The following EMC8 variants were observed in gnomAD, a reference collection of about 807,000 sequenced individuals.
The protein encoded by EMC8 is COX4 neighbor.
In EMC8, 11 loss-of-function variants were observed where a neutral mutation model predicts 24.3. The ratio of observed to expected loss-of-function variants is 0.45; its 90% CI spans 0.28 to 0.75. EMC8 has a LOEUF of 0.75. Among genes scored for constraint, EMC8 ranks in the 30% least tolerant of loss-of-function variants. The pLI is 0.12. For synonymous variants in EMC8, 145 were observed against 117.7 expected (o/e 1.23, Z -1.50); for missense variants, 277 against 282.7 (o/e 0.98, Z 0.14).
At chr16:85,780,553 C>G (rs1178642533) in intron 3 of EMC8, 80 bp from the exon 4 acceptor site, 3 of 1,001,598 alleles carry the variant, frequency 3.0e-6, no homozygotes, top group African/African-American at 3.2e-5. Context: ...GGGGCTCTCC[C>G]TGCAGCCGTG....
intron 4 of EMC8, 173 bp downstream of exon 4, chr16:85,780,206 C>T: frequency 1.6e-6 from 1 of 626,498 alleles, no homozygotes; most frequent in African/African-American, 1.8e-5. Flanking sequence ...ACTGAGGTTC[C>T]CTCTACTGCC....
chr16:85,786,646 C>T (rs1904767295), intron 2 of EMC8, among the ~76,000 whole-genome samples: 1 of 152,124 alleles, frequency 6.6e-6, no homozygotes, highest in South Asian at 2.1e-4. Context: ...CAAATGGCTG[C>T]TCCGGATGCA....
chr16:85,780,582 G>C, intron 3 of EMC8, 109 bp from the exon 4 acceptor site: 1 of 740,074 alleles, frequency 1.4e-6, no homozygotes. Context: ...GGCTGGGGCA[G>C]AGACTCTTCC....
intron 1 of EMC8, among the ~76,000 whole-genome samples, chr16:85,794,245 T>G (rs1905147186): frequency 6.6e-6 from 1 of 152,176 alleles, no homozygotes; most frequent in Non-Finnish European, 1.5e-5. Context: ...TAATATAAAT[T>G]TAATAGCTTA....
chr16:85,799,382 G>T lies in EMC8; in HGVS notation c.-87C>A. 2 of 800,416 alleles carry T rather than the reference G, an allele frequency of 2.5e-6. No individual in the cohort carries two copies. Among genetic ancestry groups the T allele is most frequent in the South Asian group, 2.3e-5 (1 of 42,572 alleles). The allele number at this position is 800,416 out of a possible 1,614,324, so 49.6% of individuals were successfully genotyped here. On this transcript the variant is annotated 5_prime_UTR_variant, in exon 1 of 5. Transcript: ENST00000253457. The surrounding 1 kb of genome is among the most constrained non-coding windows in gnomAD (Gnocchi z 4.2). ...GGCCGCGCGGCGCCTCAGCCGAGAAGCGGGACGAGGCGGCGGCGATTGATG... is the reference window on the plus strand; with the variant it reads ...GGCCGCGCGGCGCCTCAGCCGAGAATCGGGACGAGGCGGCGGCGATTGATG...
chr16:85,789,753 C>G (rs1372674090), intron 1 of EMC8, among the ~76,000 whole-genome samples: 2 of 151,366 alleles, frequency 1.3e-5, no homozygotes, highest in Non-Finnish European at 2.9e-5. Context: ...GATCATGCCA[C>G]TGCACTCCAG....
chr16:85,798,711 T>C, intron 1 of EMC8: 1 of 255,124 alleles, frequency 3.9e-6, no homozygotes, highest in East Asian at 7.4e-5. Context: ...CCCAACAACG[T>C]GAACACTTCC....
At chr16:85,798,856 G>A (rs1349541943) in intron 1 of EMC8, 8 of 517,980 alleles carry the variant, frequency 1.5e-5, no homozygotes, top group Non-Finnish European at 3.4e-6. Flanking sequence ...AAGCATCCAC[G>A]ACGGTTAAAG....
intron 2 of EMC8, chr16:85,785,046 C>T (rs1904689525): frequency 6.6e-6 from 1 of 152,216 alleles, no homozygotes; most frequent in African/African-American, 2.4e-5. Context: ...TGCCCAGGCT[C>T]AAGTGATCTC....
chr16:85,789,717 C>A (rs1904916853), intron 1 of EMC8, among the ~76,000 whole-genome samples: 1 of 151,564 alleles, frequency 6.6e-6, no homozygotes, highest in Admixed American at 6.6e-5. Flanking sequence ...ACTTGAACCC[C>A]AGAGGGGGAG....
chr16:85,780,391 C>G lies in EMC8; in HGVS notation c.461G>C (p.Arg154Thr). 1.2e-6 allele frequency: 2 copies of G among 1,614,060 alleles called. No homozygotes were observed. The highest frequency in any genetic ancestry group is 1.7e-6 in the Non-Finnish European group (2 of 1,179,888). Residue 154 changes from arginine (R) to threonine (T), a missense_variant, in exon 4 of 5, where the codon AGA (arginine) becomes ACA (threonine). Physicochemically the swap from Arg to Thr is moderately conservative, Grantham distance 71. Coordinates refer to ENST00000253457, the MANE Select transcript of EMC8 (RefSeq NM_006067.5). ...YEHHENRWRCRDPHHDYCEDW... is the reference protein window; with the variant it reads ...YEHHENRWRCTDPHHDYCEDW... ...GGGGCGCACTCACTGGTGTGGGTCT[C>G]TGCACCGCCATCTGTTCTCATGGTG...
chr16:85,781,106 TAAATGAGTG>T (rs1567825705), intron 3 of EMC8, 96 bp downstream of exon 3: 24 of 776,138 alleles, frequency 3.1e-5, no homozygotes. Context: ...CTCAAGCAGA[TAAATGAGTG>T]AAGGGGTTAG....
At chr16:85,785,376 C>A (rs1338102925) in intron 2 of EMC8, among the ~76,000 whole-genome samples, 1 of 152,134 alleles carries the variant, frequency 6.6e-6, no homozygotes, top group African/African-American at 2.4e-5. Flanking sequence ...TCGAGACCAG[C>A]CTGGCCAACA....
Position 85,799,176 on chromosome 16 carries a change from C to A in EMC8, c.120G>T (p.Glu40Asp). ...LVAEKQKPRK[E>D]HLPLGGPGAH... ...CGCCGGGGCCGCCCAGGGGGAGGTG[C>A]TCCTTACGCGGCTTCTGCTTCTCGG... Residue 40 changes from glutamate (E) to aspartate (D), a missense_variant, in exon 1 of 5, where the codon GAG becomes GAT. Transcript: ENST00000253457. The surrounding 1 kb of genome is among the most constrained non-coding windows in gnomAD (Gnocchi z 4.2). 2 of 1,612,190 alleles carry A rather than the reference C, an allele frequency of 1.2e-6. No individual in the cohort carries two copies. The highest frequency in any genetic ancestry group is 1.1e-5 in the South Asian group (1 of 90,822).
rs758187816 is a variant in EMC8 at position 85,779,733 on chromosome 16, T to C, written c.608A>G (p.Asn203Ser). 1.2e-6 allele frequency: 2 copies of C among 1,614,266 alleles called. No homozygotes were observed. Among genetic ancestry groups the C allele is most frequent in the Non-Finnish European group, 1.7e-6 (2 of 1,180,050 alleles). The part of the protein sequence containing the change: ...IRNDWTNPEI[N>S]KAVLHLC The stretch of plus-strand genomic sequence containing the variant: ...CTAGCACAAGTGTAGGACAGCTTTA[T>C]TGATCTCTGGGTTTGTCCAGTCATT... The change falls in exon 5 of 5, where the codon AAT (asparagine) becomes AGT (serine). Residue 203 changes from asparagine (N) to serine (S), a missense_variant. Transcript: ENST00000253457.
intron 2 of EMC8, chr16:85,781,517 A>T: frequency 2.2e-6 from 1 of 450,046 alleles, no homozygotes; most frequent in Non-Finnish European, 4.0e-6. Flanking sequence ...TGTAACCTCA[A>T]ATTCCTAGGC....
At chr16:85,780,149 A>G (rs1268457954) in intron 4 of EMC8, 13 of 600,874 alleles carry the variant, frequency 2.2e-5, no homozygotes, top group South Asian at 4.0e-5. Flanking sequence ...AGGCCTGGGA[A>G]GAGTGTCTGT....
chr16:85,785,891 G>A (rs1424690150), intron 2 of EMC8, among the ~76,000 whole-genome samples: 1 of 151,992 alleles, frequency 6.6e-6, no homozygotes, highest in East Asian at 1.9e-4. Context: ...GTCTGCCTCA[G>A]GCCAGGGCTC....
At chr16:85,797,070 G>A (rs1905267274) in intron 1 of EMC8, among the ~76,000 whole-genome samples, 1 of 152,182 alleles carries the variant, frequency 6.6e-6, no homozygotes, top group Non-Finnish European at 1.5e-5. Context: ...GCAAGTCAAT[G>A]CATTTCACAG....
Sources: allele counts gnomAD v4.1 joint callset (sites outside exome capture counted in the v4.1 genomes callset), GRCh38; gene constraint gnomAD v4.1.1; non-coding constraint Gnocchi (gnomAD v3.1); transcripts MANE v1.5; gene names NCBI Gene and HGNC (gene_info 2026-07-23, HGNC 2026-07-21).